Variants in AQR observed in about 807,000 individuals in gnomAD.
AQR encodes RNA helicase aquarius.
A neutral mutation model predicts 180.5 loss-of-function variants in AQR; 61 were observed. That is an observed-to-expected ratio of 0.34 (90% CI 0.28 to 0.42). The LOEUF is 0.42. Among genes scored for constraint, AQR ranks in the 10% least tolerant of loss-of-function variants. AQR has a pLI of 1.00. For synonymous variants in AQR, 551 were observed against 588.8 expected (o/e 0.94, Z 0.93); for missense variants, 1,281 against 1,798.3 (o/e 0.71, Z 5.20).
At chr15:34,934,659 A>G in intron 9 of AQR, 24 bp from the exon 10 acceptor site, 1 of 1,495,158 alleles carries the variant, frequency 6.7e-7, no homozygotes. Context: ...AGAACGCATG[A>G]TAGAATTTCC....
At chr15:34,911,706 T>G (rs1595794738) in intron 16 of AQR, among the ~76,000 whole-genome samples, 1 of 152,200 alleles carries the variant, frequency 6.6e-6, no homozygotes, top group Non-Finnish European at 1.5e-5. Context: ...ATCAGACACA[T>G]GGTTTGCAAA....
In AQR at chr15:34,964,296, A is replaced by G; in HGVS notation, c.76-6T>C. On this transcript the variant is annotated splice_region_variant and splice_polypyrimidine_tract_variant and intron_variant, in intron 1 of 34. Coordinates refer to ENST00000156471, the MANE Select transcript of AQR (RefSeq NM_014691.3). ...GCCCAGTATTTACATGCTAACTGCA[A>G]AGTAAACAGTATAAACAGTAAGTCC... The G allele has an allele frequency of 6.3e-7, 1 of 1,599,724 alleles. No homozygotes were observed. The highest frequency in any genetic ancestry group is 8.6e-7 in the Non-Finnish European group (1 of 1,168,714).
intron 1 of AQR, among the ~76,000 whole-genome samples, chr15:34,968,302 G>A (rs1367012891): frequency 6.6e-6 from 1 of 151,268 alleles, no homozygotes; most frequent in Non-Finnish European, 1.5e-5. Context: ...GCCCAGGCTG[G>A]AGTGCAGTGG....
rs1198784455 is a variant in AQR at position 34,918,116 on chromosome 15, C to G, written c.1342+142G>C. The G allele has an allele frequency of 3.7e-6, 3 of 811,024 alleles. No individual in the cohort carries two copies. In the African/African-American group the frequency reaches 5.2e-5, roughly 14 times the overall value. 50.2% of individuals were successfully genotyped at this position (811,024 alleles called of 1,614,324 possible). A position where few individuals can be genotyped will look rare whatever the true frequency, so the allele number is the denominator to read the frequency against. On this transcript the variant is annotated intron_variant, in intron 15 of 34. Coordinates refer to ENST00000156471, the MANE Select transcript of AQR (RefSeq NM_014691.3). ...ATTCAAAATACTAAATCTTTTCTAG[C>G]TTCTAAAGTTAACTTCTGGGCACCA...
At chr15:34,934,205 T>A (rs1893910433) in intron 10 of AQR, among the ~76,000 whole-genome samples, 1 of 151,214 alleles carries the variant, frequency 6.6e-6, no homozygotes, top group South Asian at 2.1e-4. Flanking sequence ...TCTTAATGTA[T>A]TTTTATTGTA....
intron 3 of AQR, among the ~76,000 whole-genome samples, chr15:34,959,525 A>G (rs1424419731): frequency 6.6e-6 from 1 of 152,080 alleles, no homozygotes; most frequent in African/African-American, 2.4e-5. Context: ...CCATATCTCC[A>G]TCTTCATAGC....
At chr15:34,931,131 C>T (rs985942424) in intron 11 of AQR, among the ~76,000 whole-genome samples, 5 of 152,082 alleles carry the variant, frequency 3.3e-5, no homozygotes, top group African/African-American at 7.3e-5. Flanking sequence ...CCACCGCGCC[C>T]GGCTGTGCTG....
chr15:34,953,408 T>C (rs1894262711), intron 3 of AQR, among the ~76,000 whole-genome samples: 1 of 152,222 alleles, frequency 6.6e-6, no homozygotes, highest in Admixed American at 6.5e-5. Flanking sequence ...CGTTTTATAA[T>C]ATTGGAAATA....
In AQR at chr15:34,908,434, T is replaced by TA. The variant is rs777237681; in HGVS notation, c.1663+1700dup. 3.1e-3 allele frequency among the ~76,000 whole-genome samples: 450 copies of TA among 143,906 alleles called. 4 individuals are homozygous for TA. Among genetic ancestry groups the TA allele is most frequent in the East Asian group, 0.019 (92 of 4,958 alleles). The allele number at this position is 143,906 out of a possible 152,430, so 94.4% of individuals were successfully genotyped here. On this transcript the variant is annotated intron_variant, in intron 17 of 34. Transcript: ENST00000156471. ...CTGGGCGACAGAGTGAGACTCCGTC[T>TA]AAAAAAAAAAAAAATGTATTATTGT...
Position 34,927,071 on chromosome 15 carries a change from G to T in AQR, c.1082C>A (p.Thr361Asn). ...FALSNVAEVD[T>N]RESLVKFFGP... ...AAAAAACTTGACCAAGGACTCCCGA[G>T]TATCTACTTCTGCCACATTTGAGAG... Residue 361 changes from threonine to asparagine, a missense_variant, in exon 13 of 35, where the codon ACT becomes AAT. Thr to Asn is a moderately conservative substitution (Grantham distance 65). Around this residue, in one of 9 missense-constraint regions of AQR, gnomAD observed 404 missense variants for 490.9 expected, o/e 0.82. Transcript: ENST00000156471. The T allele has an allele frequency of 6.3e-7, 1 of 1,597,442 alleles. No individual in the cohort carries two copies. The highest frequency in any genetic ancestry group is 8.5e-7 in the Non-Finnish European group (1 of 1,171,524).
intron 3 of AQR, among the ~76,000 whole-genome samples, chr15:34,958,956 C>G (rs1595811825): frequency 6.6e-6 from 1 of 151,650 alleles, no homozygotes; most frequent in African/African-American, 2.4e-5. Context: ...TGTCTCCTGA[C>G]ATTACATTAC....
intron 24 of AQR, among the ~76,000 whole-genome samples, chr15:34,887,996 G>A (rs1461078072): frequency 6.6e-6 from 1 of 152,138 alleles, no homozygotes; most frequent in Non-Finnish European, 1.5e-5. Flanking sequence ...GTGAAGTAAT[G>A]TTAAACTTAA....
chr15:34,910,347 A>T (rs1893481634), intron 16 of AQR, 34 bp from the exon 17 acceptor site: 1 of 1,604,128 alleles, frequency 6.2e-7, no homozygotes, highest in South Asian at 1.1e-5. Flanking sequence ...TACTCAAACA[A>T]AAAATAATTT....
intron 1 of AQR, 188 bp from the exon 2 acceptor site, chr15:34,964,478 A>G: frequency 1.5e-6 from 1 of 687,600 alleles, no homozygotes; most frequent in Non-Finnish European, 2.7e-6. Flanking sequence ...ACTAAATGCC[A>G]GTAGTGCTTT....
At chr15:34,859,881 T>C (rs1892644879) in intron 34 of AQR, among the ~76,000 whole-genome samples, 161 bp downstream of exon 34, 1 of 152,218 alleles carries the variant, frequency 6.6e-6, no homozygotes, top group South Asian at 2.1e-4. Context: ...ATTCTAACTA[T>C]ATAAAGAAGT....
intron 12 of AQR, 99 bp from the exon 13 acceptor site, chr15:34,927,237 C>A: frequency 4.6e-6 from 3 of 652,194 alleles, no homozygotes; most frequent in African/African-American, 1.9e-5. Context: ...AATATTAACG[C>A]ATTTCTGTCT....
Position 34,892,898 on chromosome 15 carries a change from T to C in AQR, c.2571+765A>G, listed in dbSNP as rs1893172187. Among the ~76,000 whole-genome samples the C allele has an allele frequency of 3.3e-5, 5 of 152,220 alleles. No individual in the cohort carries two copies. The South Asian group carries it at 8.3e-4, about 25-fold the overall frequency. Reference sequence around the variant, plus strand: ...TGAAGTACAATTTCTGCTGAATTCATATTGCTTTCACACCATCATAAAGTC... The same window carrying C: ...TGAAGTACAATTTCTGCTGAATTCACATTGCTTTCACACCATCATAAAGTC... On this transcript the variant is annotated intron_variant, in intron 23 of 34. Coordinates refer to ENST00000156471, the MANE Select transcript of AQR (RefSeq NM_014691.3).
At chr15:34,891,380 A>G (rs1807334320) in intron 23 of AQR, among the ~76,000 whole-genome samples, 1 of 152,154 alleles carries the variant, frequency 6.6e-6, no homozygotes, top group African/African-American at 2.4e-5. Flanking sequence ...AAACTACATG[A>G]TTTCATTGTG....
At chr15:34,881,561 T>C (rs552780545) in intron 27 of AQR, among the ~76,000 whole-genome samples, 2 of 152,328 alleles carry the variant, frequency 1.3e-5, no homozygotes, top group African/African-American at 4.8e-5. Context: ...AAATTCAAAT[T>C]TACTGCTCAA....
Sources: gnomAD v4.1 joint callset for allele counts (sites outside exome capture counted in the v4.1 genomes callset) on GRCh38, gnomAD v4.1.1 for gene constraint, gnomAD v4.1.1 regional missense constraint, MANE v1.5 for transcripts, NCBI Gene and HGNC (gene_info 2026-07-23, HGNC 2026-07-21) for gene names.